Variants in MTFR1 observed in about 807,000 individuals in gnomAD.
MTFR1 encodes mitochondrial fission regulator 1, also known as chondrocyte protein with a poly-proline region.
Under a neutral mutation model 38.8 loss-of-function variants are expected in MTFR1, and 28 were observed. That is an observed-to-expected ratio of 0.72 (90% CI 0.53 to 0.99). The LOEUF (loss-of-function observed/expected upper bound fraction) is 0.99. Among genes scored for constraint, MTFR1 ranks in the 50% least tolerant of loss-of-function variants. The pLI is 0.00. For missense variants in MTFR1, 358 were observed against 395.5 expected, an observed-to-expected ratio of 0.91 and a Z score of 0.81; for synonymous variants, 145 against 137.0, an observed-to-expected ratio of 1.06 and a Z score of -0.41.
At chr8:65,690,673 T>C (rs925485419) in intron 3 of MTFR1, among the ~76,000 whole-genome samples, 19 of 152,336 alleles carry the variant, frequency 1.2e-4, no homozygotes, top group African/African-American at 4.3e-4. Context: ...AAGAAGTCTT[T>C]GTCTTAAATA....
intron 3 of MTFR1, among the ~76,000 whole-genome samples, chr8:65,689,282 A>G (rs1036379947): frequency 6.6e-6 from 1 of 152,212 alleles, no homozygotes; most frequent in Non-Finnish European, 1.5e-5. Flanking sequence ...TTATTTTATG[A>G]AGTCACAAGA....
At chr8:65,647,546 T>C (rs748929241) in intron 1 of MTFR1, among the ~76,000 whole-genome samples, 2 of 152,104 alleles carry the variant, frequency 1.3e-5, no homozygotes, top group Non-Finnish European at 2.9e-5. Flanking sequence ...CTGACCTCAG[T>C]TGATCCAACT....
chr8:65,739,668 A>G, intron 3 of MTFR1: 3 of 1,296,916 alleles, frequency 2.3e-6, no homozygotes, highest in Non-Finnish European at 3.0e-6. Flanking sequence ...GCTTTGAAAT[A>G]CAGATTTTGA....
downstream of MTFR1, among the ~76,000 whole-genome samples, chr8:65,712,578 T>C (rs936301855): frequency 4.6e-5 from 7 of 152,336 alleles, no homozygotes; most frequent in Admixed American, 3.3e-4. Flanking sequence ...ACTTACCATA[T>C]ATCAATAGTT....
intron 3 of MTFR1, among the ~76,000 whole-genome samples, chr8:65,750,480 G>A (rs1213480429): frequency 1.5e-5 from 2 of 133,582 alleles, no homozygotes; most frequent in African/African-American, 5.9e-5. Context: ...ATCACTGTGT[G>A]TGTGTGTGTG....
intron 3 of MTFR1, among the ~76,000 whole-genome samples, chr8:65,744,964 T>C (rs1167954028): frequency 2.6e-5 from 4 of 152,206 alleles, no homozygotes; most frequent in Non-Finnish European, 5.9e-5. Context: ...AATCTCACCT[T>C]GAATTGTAGT....
Position 65,696,744 on chromosome 8 carries a change from T to A in MTFR1, c.281+2985T>A, listed in dbSNP as rs533625505. ...GATGCAGTCTTGGCTTACTGCAACC[T>A]CCGCCTCCTGGGTTTAAGCAATTCT... On this transcript the variant is annotated intron_variant, in intron 4 of 7. Transcript: ENST00000262146. Among the ~76,000 whole-genome samples the A allele has an allele frequency of 3.3e-5, 5 of 151,914 alleles. No individual in the cohort carries two copies. In the East Asian group the frequency reaches 9.7e-4, roughly 29 times the overall value.
intron 3 of MTFR1, among the ~76,000 whole-genome samples, chr8:65,753,572 T>C (rs1367824326): frequency 2.0e-5 from 3 of 149,148 alleles, no homozygotes; most frequent in Admixed American, 2.0e-4. Context: ...TCCTAACATA[T>C]GGTCTATTCA....
In MTFR1 at chr8:65,707,986, C is replaced by T. The variant is rs781270950; in HGVS notation, c.908C>T (p.Ser303Leu). 1.2e-6 allele frequency: 2 copies of T among 1,612,970 alleles called. No individual in the cohort carries two copies. Among genetic ancestry groups the T allele is most frequent in the Middle Eastern group, 1.6e-4 (1 of 6,062 alleles). The change falls in exon 7 of 8, where the codon TCA (serine) becomes TTA (leucine). Residue 303 changes from serine (S) to leucine (L), a missense_variant. By Grantham distance (145) the Ser-to-Leu change is moderately radical. Transcript: ENST00000262146. ...GAAAAAGGAATTCCAAAGTCTGAAT[C>T]AGAGGCCACCTCAGAGAGAGTGTTG... is the stretch of plus-strand genomic sequence containing the variant. ...EVEKGIPKSESEATSERVLFG... is the reference protein window; with the variant it reads ...EVEKGIPKSELEATSERVLFG...
At chr8:65,759,018 T>A (rs1239596752) in intron 3 of MTFR1, among the ~76,000 whole-genome samples, 1 of 152,122 alleles carries the variant, frequency 6.6e-6, no homozygotes, top group African/African-American at 2.4e-5. Flanking sequence ...AAAAGGAACA[T>A]GTCTTGACTC....
At chr8:65,683,124 C>G (rs865845802) in intron 3 of MTFR1, among the ~76,000 whole-genome samples, 4 of 142,310 alleles carry the variant, frequency 2.8e-5, no homozygotes, top group Admixed American at 1.4e-4. Flanking sequence ...ACTTTTGTTT[C>G]TTTCTTTCTT....
At chr8:65,680,559 T>A (rs1804849256) in intron 2 of MTFR1, among the ~76,000 whole-genome samples, 1 of 152,214 alleles carries the variant, frequency 6.6e-6, no homozygotes, top group African/African-American at 2.4e-5. Context: ...TTTTATAAGT[T>A]GTATATGCTT....
Position 65,707,892 on chromosome 8 carries a change from GCC to G in MTFR1, c.816_817del (p.Leu273HisfsTer16). On this transcript the variant is annotated frameshift_variant, in exon 7 of 8. Coordinates refer to ENST00000262146, the MANE Select transcript of MTFR1 (RefSeq NM_014637.4). LOFTEE classifies it high-confidence loss of function. ...PKPVDATDPAALIAEALKKKF... is the reference protein window; with the variant it reads ...PKPVDATDPAXLIAEALKKKF... ...GCCAGTGGATGCTACTGACCCTGCT[GCC>G]CTCATAGCAGAGGCTCTGAAAAAGA... 1 of 1,614,156 alleles carries G rather than the reference GCC, an allele frequency of 6.2e-7. No homozygotes were observed. Among genetic ancestry groups the G allele is most frequent in the South Asian group, 1.1e-5 (1 of 91,080 alleles).
At chr8:65,684,814 G>A (rs904295469) in intron 3 of MTFR1, among the ~76,000 whole-genome samples, 7 of 151,748 alleles carry the variant, frequency 4.6e-5, no homozygotes, top group African/African-American at 1.2e-4. Context: ...AGACCAGCCC[G>A]GCCAACATGG....
At chr8:65,654,572 A>ATT (rs1281952790) in intron 1 of MTFR1, among the ~76,000 whole-genome samples, 2 of 145,872 alleles carry the variant, frequency 1.4e-5, no homozygotes, top group Admixed American at 1.4e-4. Flanking sequence ...CATTAAAGCA[A>ATT]TTTTTTTGTG....
At chr8:65,735,371 T>C (rs947686270) in intron 3 of MTFR1, among the ~76,000 whole-genome samples, 1 of 152,066 alleles carries the variant, frequency 6.6e-6, no homozygotes, top group Non-Finnish European at 1.5e-5. Flanking sequence ...TGCAGTGACA[T>C]GATCATGGCT....
chr8:65,712,210 A>G (rs1489635957), downstream of MTFR1, among the ~76,000 whole-genome samples: 2 of 152,256 alleles, frequency 1.3e-5, no homozygotes, highest in African/African-American at 4.8e-5. Context: ...AAAAGGATAC[A>G]GCTAGAGCAT....
intron 3 of MTFR1, among the ~76,000 whole-genome samples, chr8:65,731,304 G>A (rs1035960016): frequency 2.6e-5 from 4 of 152,124 alleles, no homozygotes; most frequent in East Asian, 3.8e-4. Context: ...GGAAGGATGC[G>A]GGGGCCAGGG....
At chr8:65,661,860 A>G (rs1809422255) in intron 1 of MTFR1, among the ~76,000 whole-genome samples, 4 of 151,958 alleles carry the variant, frequency 2.6e-5, no homozygotes, top group Admixed American at 2.6e-4. Context: ...GCTACTTGGG[A>G]GGCTGAGGTG....
Sources: gnomAD v4.1 joint callset for allele counts (sites outside exome capture counted in the v4.1 genomes callset) on GRCh38, gnomAD v4.1.1 for gene constraint, MANE v1.5 for transcripts, NCBI Gene and HGNC (gene_info 2026-07-23, HGNC 2026-07-21) for gene names.